SGCZ: variants seen among roughly 807,000 people sequenced by gnomAD.
SGCZ encodes sarcoglycan zeta.
A neutral mutation model predicts 41.3 loss-of-function variants in SGCZ; 40 were observed. The observed-to-expected ratio is 0.97, with a 90% CI of 0.75 to 1.26. SGCZ has a LOEUF of 1.26. Among genes scored for constraint, SGCZ ranks in the 50% most tolerant of loss-of-function variants. SGCZ has a pLI of 0.00. For synonymous variants in SGCZ, 206 were observed against 137.5 expected (o/e 1.50, Z -3.49); for missense variants, 552 against 369.8 (o/e 1.49, Z -4.04).
chr8:15,080,998 C>A (rs1805727593), intron 1 of SGCZ, among the ~76,000 whole-genome samples: 1 of 152,104 alleles, frequency 6.6e-6, no homozygotes, highest in African/African-American at 2.4e-5. Flanking sequence ...ACAAGCCAAG[C>A]AGAGAGGCCT....
At chr8:14,212,012 C>A (rs1181956047) in intron 4 of SGCZ, among the ~76,000 whole-genome samples, 3 of 152,038 alleles carry the variant, frequency 2.0e-5, no homozygotes, top group Non-Finnish European at 1.5e-5. Context: ...CTGTCCCATC[C>A]CTAAGATAGT....
At chr8:14,255,973 C>A (rs1251537546) in intron 3 of SGCZ, among the ~76,000 whole-genome samples, 2 of 152,086 alleles carry the variant, frequency 1.3e-5, no homozygotes, top group Admixed American at 1.3e-4. Flanking sequence ...GTTTCATTAT[C>A]TATTCATTAA....
chr8:14,485,183 A>G (rs1379954207), intron 2 of SGCZ, among the ~76,000 whole-genome samples: 3 of 152,196 alleles, frequency 2.0e-5, no homozygotes, highest in African/African-American at 7.2e-5. Flanking sequence ...TGATGATCCA[A>G]CTAAAAACTA....
chr8:14,443,993 T>C (rs1483889510), intron 2 of SGCZ, among the ~76,000 whole-genome samples: 1 of 151,922 alleles, frequency 6.6e-6, no homozygotes, highest in African/African-American at 2.4e-5. Flanking sequence ...CATCAAAAAG[T>C]GGGTGAAGGA....
chr8:14,164,120 T>C (rs556438748), intron 5 of SGCZ, among the ~76,000 whole-genome samples: 1 of 152,318 alleles, frequency 6.6e-6, no homozygotes, highest in South Asian at 2.1e-4. Flanking sequence ...TAGTTTTTTA[T>C]TTACATACTT....
intron 2 of SGCZ, among the ~76,000 whole-genome samples, chr8:14,387,879 T>A (rs911186458): frequency 6.6e-5 from 10 of 151,996 alleles, no homozygotes; most frequent in African/African-American, 2.4e-4. Context: ...AATAAATGTA[T>A]CAAAACCCTG....
chr8:14,982,025 C>T (rs541195393), intron 1 of SGCZ, among the ~76,000 whole-genome samples: 1 of 152,030 alleles, frequency 6.6e-6, no homozygotes, highest in East Asian at 2.0e-4. Flanking sequence ...TGGCTCATGC[C>T]TGTAATACCA....
intron 2 of SGCZ, among the ~76,000 whole-genome samples, chr8:14,496,464 C>T (rs192419594): frequency 5.2e-4 from 79 of 152,134 alleles, no homozygotes; most frequent in Non-Finnish European, 1.0e-3. Flanking sequence ...TCCCATACAC[C>T]CATGGGAGTA....
chr8:14,143,709 T>C (rs1803439483), intron 5 of SGCZ, among the ~76,000 whole-genome samples: 1 of 152,050 alleles, frequency 6.6e-6, no homozygotes, highest in South Asian at 2.1e-4. Flanking sequence ...GATTTAACTG[T>C]GTATGGCTGA....
At chr8:14,264,434 A>G (rs148757864) in intron 3 of SGCZ, among the ~76,000 whole-genome samples, 14 of 152,236 alleles carry the variant, frequency 9.2e-5, no homozygotes, top group Admixed American at 2.6e-4. Flanking sequence ...ACAGAAATCC[A>G]TGGACCCACA....
chr8:14,781,283 G>C (rs538509821), intron 1 of SGCZ, among the ~76,000 whole-genome samples: 2 of 152,138 alleles, frequency 1.3e-5, no homozygotes, highest in Admixed American at 6.5e-5. Context: ...CCAGGCTAGA[G>C]TGCAATGGCG....
At chr8:15,206,237 G>A (rs997921926) in intron 1 of SGCZ, among the ~76,000 whole-genome samples, 20 of 152,036 alleles carry the variant, frequency 1.3e-4, no homozygotes, top group African/African-American at 3.6e-4. Context: ...TTAGGGCCAC[G>A]GTAGTCAGGG....
At chr8:15,236,291 C>T (rs1198595026) in intron 1 of SGCZ, among the ~76,000 whole-genome samples, 1 of 152,214 alleles carries the variant, frequency 6.6e-6, no homozygotes, top group Admixed American at 6.5e-5. Context: ...AACTGGGCTC[C>T]TGCGTGCCCC....
chr8:15,171,526 A>G (rs943662601), intron 1 of SGCZ, among the ~76,000 whole-genome samples: 1 of 152,220 alleles, frequency 6.6e-6, no homozygotes, highest in African/African-American at 2.4e-5. Flanking sequence ...CTCAAAGTCT[A>G]AAAGCTACTT....
At position 14,194,251 on chromosome 8, in the gene SGCZ, A is replaced by C. The variant is rs576119263; in HGVS notation, c.425-29549T>G. On this transcript the variant is annotated intron_variant, in intron 4 of 7. Transcript: ENST00000382080. ...GTAAGCAAGAAAATGATTATGCTGAACTCTGGATTGATCAAAACATGAATG... is the reference window on the plus strand; with the variant it reads ...GTAAGCAAGAAAATGATTATGCTGACCTCTGGATTGATCAAAACATGAATG... Among the ~76,000 whole-genome samples, 4 of 151,966 alleles carry C rather than the reference A, an allele frequency of 2.6e-5. No homozygotes were observed. In the East Asian group the frequency reaches 7.7e-4, roughly 29 times the overall value.
chr8:14,749,679 G>A (rs1316796668), intron 1 of SGCZ, among the ~76,000 whole-genome samples: 1 of 152,024 alleles, frequency 6.6e-6, no homozygotes, highest in East Asian at 1.9e-4. Flanking sequence ...TGTTACCATA[G>A]CAAAGAAATA....
intron 2 of SGCZ, among the ~76,000 whole-genome samples, chr8:14,361,566 A>G (rs1268315803): frequency 6.6e-6 from 1 of 152,156 alleles, no homozygotes; most frequent in Non-Finnish European, 1.5e-5. Flanking sequence ...TGGTTATTCT[A>G]GTTAGCCATT....
chr8:14,522,676 C>A (rs1260861622), intron 2 of SGCZ, among the ~76,000 whole-genome samples: 1 of 151,536 alleles, frequency 6.6e-6, no homozygotes, highest in Non-Finnish European at 1.5e-5. Context: ...ATACAACTGT[C>A]TTTTCATTTG....
chr8:14,578,273 C>A (rs542561742), intron 1 of SGCZ, among the ~76,000 whole-genome samples: 1 of 152,188 alleles, frequency 6.6e-6, no homozygotes, highest in Non-Finnish European at 1.5e-5. Flanking sequence ...ATACATGCAC[C>A]TTTTCCCTAA....
Sources: allele counts gnomAD v4.1 joint callset (sites outside exome capture counted in the v4.1 genomes callset), GRCh38; gene constraint gnomAD v4.1.1; transcripts MANE v1.5; gene names NCBI Gene and HGNC (gene_info 2026-07-23, HGNC 2026-07-21).